Variants in CALCOCO1 observed in about 807,000 individuals in gnomAD.
The protein encoded by CALCOCO1 is calcium-binding and coiled-coil domain-containing protein 1.
A neutral mutation model predicts 86.3 loss-of-function variants in CALCOCO1; 44 were observed. The ratio of observed to expected loss-of-function variants is 0.51; its 90% confidence interval spans 0.40 to 0.66. The LOEUF (loss-of-function observed/expected upper bound fraction) is 0.66. Among genes scored for constraint, CALCOCO1 ranks in the 30% least tolerant of loss-of-function variants. The pLI is 0.00. For missense variants in CALCOCO1, 708 were observed against 851.1 expected (o/e 0.83, Z 2.09); for synonymous variants, 297 against 327.6 (o/e 0.91, Z 1.01).
chr12:53,725,315 T>C (rs2120660844), intron 1 of CALCOCO1, 49 bp from the exon 2 acceptor site: 9 of 1,271,570 alleles, frequency 7.1e-6, no homozygotes, highest in African/African-American at 1.5e-5. Flanking sequence ...TCCACCTCCT[T>C]CCCCCCACAG....
chr12:53,713,756 G>A lies in CALCOCO1; in HGVS notation c.1736C>T (p.Pro579Leu), dbSNP rs765623025. The A allele has an allele frequency of 8.1e-6, 13 of 1,606,020 alleles. No individual in the cohort carries two copies. Among genetic ancestry groups the A allele is most frequent in the East Asian group, 6.7e-5 (3 of 44,704 alleles). Reference protein sequence around the residue: ...EASPLVVISQPAPISPHLSGP... With the variant: ...EASPLVVISQLAPISPHLSGP... ...AGAGAGGTGAGGAGAAATGGGAGCC[G>A]GCTGGCTGATGACAACAAGGGGAGA... is the stretch of plus-strand genomic sequence containing the variant. Residue 579 changes from proline to leucine, a missense_variant, in exon 13 of 15, where the codon CCG (proline) becomes CTG (leucine). By Grantham distance (98) the Pro-to-Leu change is moderately conservative. Transcript: ENST00000550804.
rs1469100745 is a variant in CALCOCO1, at chr12:53,725,177, C to T, written c.66G>A (p.Arg22=). Residue 22 remains arginine, a synonymous_variant, in exon 2 of 15, where the codon CGG becomes CGA. Coordinates refer to ENST00000550804, the MANE Select transcript of CALCOCO1 (RefSeq NM_020898.3). The part of the protein sequence containing the change: ...RGGVNFLNVA[R]TYIPNTKVEC... ...CCACCTTGGTGTTGGGGATGTAGGT[C>T]CGGGCTACATTGAGAAAGTTGACTC... is the stretch of plus-strand genomic sequence containing the variant. 1 of 1,613,046 alleles carries T rather than the reference C, an allele frequency of 6.2e-7. No homozygotes were observed. Among genetic ancestry groups the T allele is most frequent in the African/African-American group, 1.3e-5 (1 of 74,870 alleles).
chr12:53,721,406 G>A, intron 6 of CALCOCO1, 61 bp downstream of exon 6: 1 of 1,464,772 alleles, frequency 6.8e-7, no homozygotes, highest in East Asian at 2.4e-5. Context: ...TGAGAGAGGG[G>A]GCTGGAGTGC....
chr12:53,723,235 G>A (rs546789110), intron 4 of CALCOCO1, among the ~76,000 whole-genome samples: 20 of 152,254 alleles, frequency 1.3e-4, no homozygotes, highest in African/African-American at 3.6e-4. Context: ...CTCCCCACTC[G>A]TCCTAGAAGC....
Position 53,715,245 on chromosome 12 carries a change from GT to G in CALCOCO1, c.1340del (p.Asn447ThrfsTer26). 1 of 1,614,126 alleles carries G rather than the reference GT, an allele frequency of 6.2e-7. No homozygotes were observed. On this transcript the variant is annotated frameshift_variant, in exon 10 of 15. Coordinates refer to ENST00000550804, the MANE Select transcript of CALCOCO1 (RefSeq NM_020898.3). LOFTEE classifies it high-confidence loss of function. ...EKAVQEERTQ[N>X]QVFKTELARE... Reference sequence around the variant, plus strand: ...GGGCCAGCTCAGTCTTGAACACTTGGTTTTGGGTCCTCTCCTCCTGAACTGC... The same window carrying G: ...GGGCCAGCTCAGTCTTGAACACTTGGTTTGGGTCCTCTCCTCCTGAACTGC...
chr12:53,725,315 T>TC, intron 1 of CALCOCO1, 49 bp from the exon 2 acceptor site: 3 of 1,271,564 alleles, frequency 2.4e-6, no homozygotes, highest in Non-Finnish European at 2.1e-6. Context: ...TCCACCTCCT[T>TC]CCCCCCACAG....
At position 53,716,020 on chromosome 12, in the gene CALCOCO1, G is replaced by A; in HGVS notation, c.1033C>T (p.Leu345Phe). The change falls in exon 9 of 15, where the codon CTT becomes TTT. Residue 345 changes from leucine (L) to phenylalanine (F), a missense_variant. Leu to Phe is a conservative substitution (Grantham distance 22). Transcript: ENST00000550804. ...GCTGCAAGCTCCTGGGCCCCTCGAAGCTGCTCCTTCAAGGGCTCCAGCTCG... is the reference window on the plus strand; with the variant it reads ...GCTGCAAGCTCCTGGGCCCCTCGAAACTGCTCCTTCAAGGGCTCCAGCTCG... ...VAELEPLKEQLRGAQELAASS... is the reference protein window; with the variant it reads ...VAELEPLKEQFRGAQELAASS... 6.2e-7 allele frequency: 1 copy of A among 1,613,310 alleles called. No individual in the cohort carries two copies. Among genetic ancestry groups the A allele is most frequent in the Non-Finnish European group, 8.5e-7 (1 of 1,180,030 alleles).
In CALCOCO1 at chr12:53,722,320, G is replaced by C. The variant is rs1277258058; in HGVS notation, c.451-137C>G. On this transcript the variant is annotated intron_variant, in intron 4 of 14. Transcript: ENST00000550804. ...GTTATAAAGAGGTGAGGAAGGGGAT[G>C]CTCAGTGTGCTACCGAATCCCGTCC... 3 of 896,546 alleles carry C rather than the reference G, an allele frequency of 3.3e-6. No individual in the cohort carries two copies. In the African/African-American group the frequency reaches 4.9e-5, roughly 15 times the overall value. The allele number at this position is 896,546 out of a possible 1,614,324, so 55.5% of individuals were successfully genotyped here.
chr12:53,723,007 C>T (rs551889338), intron 4 of CALCOCO1: 1 of 364,474 alleles, frequency 2.7e-6, no homozygotes, highest in South Asian at 2.1e-5. Flanking sequence ...AAAAAAACCC[C>T]AAACAGTATC....
Position 53,711,993 on chromosome 12 carries a change from A to T in CALCOCO1, c.2027T>A (p.Met676Lys). 1 of 1,606,282 alleles carries T rather than the reference A, an allele frequency of 6.2e-7. No homozygotes were observed. Among genetic ancestry groups the T allele is most frequent in the Non-Finnish European group, 8.5e-7 (1 of 1,176,586 alleles). The change falls in exon 15 of 15, where the codon ATG becomes AAG. Residue 676 changes from methionine (M) to lysine (K), a missense_variant. Physicochemically the swap from Met to Lys is moderately conservative, Grantham distance 95. Coordinates refer to ENST00000550804, the MANE Select transcript of CALCOCO1 (RefSeq NM_020898.3). ...GGTGCTGAAAAAGAAGTGTCCATCCATGTGGTCCTCCAGGGCATCCTTGTC... is the reference window on the plus strand; with the variant it reads ...GGTGCTGAAAAAGAAGTGTCCATCCTTGTGGTCCTCCAGGGCATCCTTGTC... ...ESDKDALEDH[M>K]DGHFFFSTQD...
chr12:53,725,280 G>C lies in CALCOCO1; in HGVS notation c.-24-14C>G, dbSNP rs1945996852. 1 of 1,528,782 alleles carries C rather than the reference G, an allele frequency of 6.5e-7. No homozygotes were observed. 94.7% of individuals were successfully genotyped at this position (1,528,782 alleles called of 1,614,324 possible). ...ATATCTGTCCTCCTATGAAAGAAAG[G>C]GTTGATAGCCTAAAGTCTTTCCAGT... On this transcript the variant is annotated splice_polypyrimidine_tract_variant and intron_variant, in intron 1 of 14. Coordinates refer to ENST00000550804, the MANE Select transcript of CALCOCO1 (RefSeq NM_020898.3).
At chr12:53,727,120 C>A (rs964103968) in intron 1 of CALCOCO1, among the ~76,000 whole-genome samples, 1 of 151,810 alleles carries the variant, frequency 6.6e-6, no homozygotes, top group Non-Finnish European at 1.5e-5. Flanking sequence ...TGCCTGGGAG[C>A]GAATAAGCAG....
rs1945881561 is a variant in CALCOCO1 at position 53,721,975 on chromosome 12, G to C, written c.609+50C>G. ...CCCTCTTCACTGGGTTCAGATTTTG[G>C]ATGCTGGGTGAGCAGCCAGGCCCTG... On this transcript the variant is annotated intron_variant, in intron 5 of 14. Coordinates refer to ENST00000550804, the MANE Select transcript of CALCOCO1 (RefSeq NM_020898.3). The C allele has an allele frequency of 1.9e-6, 3 of 1,604,512 alleles. No individual in the cohort carries two copies. In the South Asian group the frequency reaches 3.3e-5, roughly 18 times the overall value.
At chr12:53,724,124 G>T in intron 3 of CALCOCO1, 1 of 402,438 alleles carries the variant, frequency 2.5e-6, no homozygotes, top group Non-Finnish European at 4.9e-6. Context: ...TCTGCCTCCC[G>T]GGTTCAAGAG....
chr12:53,722,967 G>GA, intron 4 of CALCOCO1: 2 of 280,568 alleles, frequency 7.1e-6, no homozygotes, highest in Admixed American at 9.6e-5. Flanking sequence ...AAAAAGAAAA[G>GA]AAAAGAAAAG....
intron 10 of CALCOCO1, 42 bp downstream of exon 10, chr12:53,715,158 A>AG: frequency 6.2e-7 from 1 of 1,606,790 alleles, no homozygotes; most frequent in Non-Finnish European, 8.5e-7. Context: ...TGGATGCCTC[A>AG]GGAGGCCATA....
In CALCOCO1 at chr12:53,711,771, AG is replaced by A; in HGVS notation, c.*172del. The A allele has an allele frequency of 5.5e-6, 3 of 540,544 alleles. No individual in the cohort carries two copies. Among genetic ancestry groups the A allele is most frequent in the African/African-American group, 4.0e-5 (2 of 50,354 alleles). 33.5% of individuals were successfully genotyped at this position (540,544 alleles called of 1,614,324 possible). ...CTGGGACAAAAGAGCCAGGTAGGAG[AG>A]GATGAAGTGAGAAATCTTGGGATGA... On this transcript the variant is annotated 3_prime_UTR_variant, in exon 15 of 15. Transcript: ENST00000550804.
chr12:53,716,330 G>A lies in CALCOCO1; in HGVS notation c.935C>T (p.Ala312Val). The A allele has an allele frequency of 6.2e-7, 1 of 1,614,192 alleles. No individual in the cohort carries two copies. The highest frequency in any genetic ancestry group is 1.1e-5 in the South Asian group (1 of 91,078). The change falls in exon 8 of 15, where the codon GCT (alanine) becomes GTT (valine). Residue 312 changes from alanine (A) to valine (V), a missense_variant. Coordinates refer to ENST00000550804, the MANE Select transcript of CALCOCO1 (RefSeq NM_020898.3). ...CTTGTCTTTCAGTCGCTGAGCCTGA[G>A]CACTCTGCTCCTCTTGCCAGCTCTT... is the stretch of plus-strand genomic sequence containing the variant. ...EAKSWQEEQS[A>V]QAQRLKDKVA...
chr12:53,724,376 T>C, intron 3 of CALCOCO1: 1 of 451,940 alleles, frequency 2.2e-6, no homozygotes, highest in South Asian at 2.1e-5. Context: ...TACCTTTCCC[T>C]CTTCCTTACT....
Sources: allele counts gnomAD v4.1 joint callset (sites outside exome capture counted in the v4.1 genomes callset), GRCh38; gene constraint gnomAD v4.1.1; transcripts MANE v1.5; gene names NCBI Gene and HGNC (gene_info 2026-07-23, HGNC 2026-07-21).